ZMAT4: variants seen among roughly 807,000 people sequenced by gnomAD.
ZMAT4 encodes the protein zinc finger matrin-type protein 4.
ZMAT4 carries 17 observed loss-of-function variants against 28.7 expected under a neutral mutation model. The ratio of observed to expected loss-of-function variants is 0.59; its 90% CI spans 0.41 to 0.89. The LOEUF (loss-of-function observed/expected upper bound fraction) is 0.89, where lower values mean the gene tolerates loss of function less well. Among genes scored for constraint, ZMAT4 ranks in the 40% least tolerant of loss-of-function variants. The probability of loss-of-function intolerance (pLI) is 0.00; values close to 1 mark genes in which losing one functional copy is unlikely to be tolerated. For synonymous variants in ZMAT4, 117 were observed against 109.2 expected (o/e 1.07, Z -0.44); for missense variants, 240 against 283.8 (o/e 0.85, Z 1.11).
chr8:40,695,271 C>T (rs761065126), intron 4 of ZMAT4, among the ~76,000 whole-genome samples: 1 of 152,216 alleles, frequency 6.6e-6, no homozygotes, highest in African/African-American at 2.4e-5. Flanking sequence ...TTCTCTGCTC[C>T]CTGCCAACAG....
At chr8:40,622,355 C>T (rs1182550539) in intron 5 of ZMAT4, among the ~76,000 whole-genome samples, 2 of 152,164 alleles carry the variant, frequency 1.3e-5, no homozygotes, top group Admixed American at 1.3e-4. Context: ...CCTGCCTTCT[C>T]CAACACTTAA....
chr8:40,667,178 C>T (rs939920276), intron 5 of ZMAT4, among the ~76,000 whole-genome samples: 1 of 151,314 alleles, frequency 6.6e-6, no homozygotes, highest in African/African-American at 2.4e-5. Flanking sequence ...TTCTTTGAGA[C>T]AGAGTCTCGC....
chr8:40,811,739 A>G (rs1388301654), intron 2 of ZMAT4, among the ~76,000 whole-genome samples: 2 of 152,212 alleles, frequency 1.3e-5, no homozygotes, highest in African/African-American at 4.8e-5. Flanking sequence ...GATTACATGT[A>G]AATGCAGGAA....
intron 2 of ZMAT4, among the ~76,000 whole-genome samples, chr8:40,820,340 GTGTT>G (rs1472752780): frequency 2.0e-5 from 3 of 151,478 alleles, no homozygotes; most frequent in Admixed American, 1.3e-4. Flanking sequence ...GTGTATGTGT[GTGTT>G]TATGTGTGTG....
chr8:40,781,259 C>T (rs1813811752), intron 2 of ZMAT4, among the ~76,000 whole-genome samples: 1 of 152,066 alleles, frequency 6.6e-6, no homozygotes, highest in Non-Finnish European at 1.5e-5. Context: ...AATTAAACAA[C>T]TTCATTTCCA....
At chr8:40,715,384 C>T (rs1385272162) in intron 3 of ZMAT4, among the ~76,000 whole-genome samples, 1 of 152,120 alleles carries the variant, frequency 6.6e-6, no homozygotes, top group Non-Finnish European at 1.5e-5. Flanking sequence ...CAACAACAGC[C>T]ATGATCTACA....
At chr8:40,881,399 A>G (rs1818216083) in intron 1 of ZMAT4, among the ~76,000 whole-genome samples, 1 of 149,368 alleles carries the variant, frequency 6.7e-6, no homozygotes, top group African/African-American at 2.5e-5. Context: ...AGAAAGAAAG[A>G]GAGAGAGAAA....
At chr8:40,692,176 CTG>C (rs1186135868) in intron 4 of ZMAT4, among the ~76,000 whole-genome samples, 1 of 152,168 alleles carries the variant, frequency 6.6e-6, no homozygotes, top group African/African-American at 2.4e-5. Flanking sequence ...GCAGTAATAA[CTG>C]TGGTCCCTGC....
At chr8:40,628,911 C>A (rs963484901) in intron 5 of ZMAT4, among the ~76,000 whole-genome samples, 2 of 151,886 alleles carry the variant, frequency 1.3e-5, no homozygotes, top group Non-Finnish European at 2.9e-5. Context: ...TAAAGAGACA[C>A]CATACAATGG....
At chr8:40,889,899 AT>A (rs1256130840) in intron 1 of ZMAT4, among the ~76,000 whole-genome samples, 1 of 152,268 alleles carries the variant, frequency 6.6e-6, no homozygotes, top group African/African-American at 2.4e-5. Context: ...CAAAGAGTAT[AT>A]TTTTTTGAGA....
At chr8:40,802,929 T>C (rs756850048) in intron 2 of ZMAT4, among the ~76,000 whole-genome samples, 70 of 151,824 alleles carry the variant, frequency 4.6e-4, no homozygotes, top group Non-Finnish European at 1.8e-4. Flanking sequence ...ATAAATAGAG[T>C]CAATTGATCT....
At chr8:40,647,366 A>G (rs1807376245) in intron 5 of ZMAT4, among the ~76,000 whole-genome samples, 1 of 152,212 alleles carries the variant, frequency 6.6e-6, no homozygotes. Flanking sequence ...CGCTTTTCTG[A>G]CGGGCTTAAA....
intron 6 of ZMAT4, among the ~76,000 whole-genome samples, chr8:40,546,424 C>A (rs1563334438): frequency 6.6e-6 from 1 of 152,104 alleles, no homozygotes; most frequent in Non-Finnish European, 1.5e-5. Context: ...TAGGATCCAT[C>A]ATTTCTCAAA....
At position 40,568,593 on chromosome 8, in the gene ZMAT4, G is replaced by A. The variant is rs539151707; in HGVS notation, c.674+12572C>T. On this transcript the variant is annotated intron_variant, in intron 6 of 6. Transcript: ENST00000297737. ...CAACATTCATCTACCCGTTCCTCGG[G>A]GCCCATTTAGTACTTATTATTATTA... is the stretch of plus-strand genomic sequence containing the variant. Among the ~76,000 whole-genome samples, 19 of 152,070 alleles carry A rather than the reference G, an allele frequency of 1.2e-4. No homozygotes were observed. In the South Asian group the frequency reaches 3.9e-3, roughly 32 times the overall value.
intron 1 of ZMAT4, among the ~76,000 whole-genome samples, chr8:40,834,884 C>A (rs1403442228): frequency 1.3e-5 from 2 of 152,164 alleles, no homozygotes; most frequent in African/African-American, 4.8e-5. Flanking sequence ...AAGGCAAGAG[C>A]CATTCTATCT....
rs144519505 is a variant in ZMAT4, at chr8:40,807,545, C to G, written c.102+18030G>C. Among the ~76,000 whole-genome samples, 752 of 152,258 alleles carry G rather than the reference C, an allele frequency of 4.9e-3. 9 individuals are homozygous for G. The highest frequency in any genetic ancestry group is 0.017 in the African/African-American group (714 of 41,560). The stretch of plus-strand genomic sequence containing the variant: ...GTCCTCAAAGATGAAAGAAATAACC[C>G]TGGATCTTACAAGCCGGCATGGCTC... On this transcript the variant is annotated intron_variant, in intron 2 of 6. Transcript: ENST00000297737.
At chr8:40,688,790 T>C (rs1443498617) in intron 4 of ZMAT4, among the ~76,000 whole-genome samples, 2 of 152,210 alleles carry the variant, frequency 1.3e-5, no homozygotes, top group East Asian at 3.8e-4. Context: ...TATCGAGAAA[T>C]TAGAAATTAT....
At chr8:40,674,534 A>C in intron 5 of ZMAT4, 170 bp downstream of exon 5, 1 of 588,886 alleles carries the variant, frequency 1.7e-6, no homozygotes. Flanking sequence ...TATAAAAATT[A>C]AACTAAAGCA....
rs144592007 is a variant in ZMAT4 at position 40,792,219 on chromosome 8, G to T, written c.103-24489C>A. Among the ~76,000 whole-genome samples the T allele has an allele frequency of 2.5e-3, 385 of 151,934 alleles. 7 individuals are homozygous for T. The highest frequency in any genetic ancestry group is 0.021 in the South Asian group (100 of 4,810). On this transcript the variant is annotated intron_variant, in intron 2 of 6. Transcript: ENST00000297737. The stretch of plus-strand genomic sequence containing the variant: ...CCATATGAAACTACTATTTTTGTAT[G>T]TGAAAAAAGGATTAAATATTGGCAA...
Sources: gnomAD v4.1 joint callset for allele counts (sites outside exome capture counted in the v4.1 genomes callset) on GRCh38, gnomAD v4.1.1 for gene constraint, MANE v1.5 for transcripts, NCBI Gene and HGNC (gene_info 2026-07-23, HGNC 2026-07-21) for gene names.